FAM171A1: variants seen among roughly 807,000 people sequenced by gnomAD.
FAM171A1 encodes protein FAM171A1.
In FAM171A1, 23 loss-of-function variants were observed where a neutral mutation model predicts 74.9. The ratio of observed to expected loss-of-function variants is 0.31; its 90% CI spans 0.22 to 0.44. FAM171A1 has a LOEUF of 0.44. Among genes scored for constraint, FAM171A1 ranks in the 20% least tolerant of loss-of-function variants. The probability of loss-of-function intolerance (pLI) is 1.00; values close to 1 mark genes in which losing one functional copy is unlikely to be tolerated. For synonymous variants in FAM171A1, 527 were observed against 505.7 expected, an observed-to-expected ratio of 1.04 and a Z score of -0.57; for missense variants, 1,162 against 1,159.2, an observed-to-expected ratio of 1.00 and a Z score of -0.03.
intron 1 of FAM171A1, among the ~76,000 whole-genome samples, chr10:15,303,253 GT>G (rs1437385434): frequency 6.6e-6 from 1 of 151,964 alleles, no homozygotes; most frequent in Non-Finnish European, 1.5e-5. Context: ...ATAATTTATA[GT>G]TTTTATAATT....
chr10:15,369,840 G>A (rs1836113093), intron 1 of FAM171A1, among the ~76,000 whole-genome samples: 1 of 152,216 alleles, frequency 6.6e-6, no homozygotes, highest in African/African-American at 2.4e-5. Context: ...AACTTTGCAG[G>A]ACACACACCC....
intron 1 of FAM171A1, among the ~76,000 whole-genome samples, chr10:15,323,797 C>T (rs1588553889): frequency 2.6e-5 from 4 of 151,746 alleles, no homozygotes; most frequent in South Asian, 2.1e-4. Context: ...GGAAGGAACA[C>T]GGTATTAGGA....
chr10:15,235,433 T>C (rs10906868), intron 5 of FAM171A1, among the ~76,000 whole-genome samples: 21,233 of 148,472 alleles, frequency 0.14, 1,567 homozygotes, highest in Middle Eastern at 0.18. Context: ...GCAACATACA[T>C]ACACATGACA....
intron 1 of FAM171A1, among the ~76,000 whole-genome samples, chr10:15,312,847 C>A (rs1485027963): frequency 6.6e-6 from 1 of 151,358 alleles, no homozygotes; most frequent in African/African-American, 2.4e-5. Context: ...ACAGGCCCAC[C>A]ACCACGCCCG....
intron 3 of FAM171A1, among the ~76,000 whole-genome samples, chr10:15,267,133 C>A (rs996577171): frequency 6.6e-6 from 1 of 152,140 alleles, no homozygotes; most frequent in Non-Finnish European, 1.5e-5. Context: ...GTGTACCCCA[C>A]AGGGGGGCTA....
intron 1 of FAM171A1, among the ~76,000 whole-genome samples, chr10:15,324,488 G>A (rs1486309971): frequency 6.6e-6 from 1 of 152,112 alleles, no homozygotes; most frequent in Non-Finnish European, 1.5e-5. Context: ...ATCTTCTCCA[G>A]GCAATCAGCT....
intron 3 of FAM171A1, among the ~76,000 whole-genome samples, chr10:15,257,737 C>T (rs1209578439): frequency 1.3e-5 from 2 of 152,134 alleles, no homozygotes; most frequent in Non-Finnish European, 2.9e-5. Flanking sequence ...AAAGCACAGG[C>T]AACACCTATG....
intron 1 of FAM171A1, among the ~76,000 whole-genome samples, chr10:15,310,218 G>A (rs201103334): frequency 6.6e-6 from 1 of 152,256 alleles, no homozygotes; most frequent in Non-Finnish European, 1.5e-5. Flanking sequence ...TAAGAGGAAC[G>A]AAAAATTTTT....
chr10:15,269,470 C>T lies in FAM171A1; in HGVS notation c.418+6385G>A, dbSNP rs531252510. 2.0e-5 allele frequency among the ~76,000 whole-genome samples: 3 copies of T among 152,240 alleles called. No homozygotes were observed. The East Asian group carries it at 5.8e-4, about 29-fold the overall frequency. ...GCTCTTAGCACAGAAATGCATTTTA[C>T]ACAAGCATTGTCAATTCTAACCCCA... On this transcript the variant is annotated intron_variant, in intron 3 of 7. Coordinates refer to ENST00000378116, the MANE Select transcript of FAM171A1 (RefSeq NM_001010924.2).
intron 1 of FAM171A1, among the ~76,000 whole-genome samples, chr10:15,331,859 G>GTGTATACATATATATATA (rs60559617): frequency 3.6e-4 from 16 of 44,906 alleles, no homozygotes; most frequent in Admixed American, 8.4e-4. Context: ...ATATATGTGT[G>GTGTATACATATATATATA]TATATATATG....
At chr10:15,344,521 G>C (rs1835798391) in intron 1 of FAM171A1, among the ~76,000 whole-genome samples, 1 of 152,162 alleles carries the variant, frequency 6.6e-6, no homozygotes, top group South Asian at 2.1e-4. Context: ...CTCCAGCCTA[G>C]GTGACAGAGC....
chr10:15,260,090 GT>G (rs1419827936), intron 3 of FAM171A1, among the ~76,000 whole-genome samples: 2 of 152,048 alleles, frequency 1.3e-5, no homozygotes, highest in African/African-American at 2.4e-5. Context: ...ACCTTCCAAA[GT>G]GCTGGGGTTA....
intron 1 of FAM171A1, among the ~76,000 whole-genome samples, chr10:15,314,481 A>G (rs1430637655): frequency 6.6e-6 from 1 of 152,180 alleles, no homozygotes; most frequent in Non-Finnish European, 1.5e-5. Flanking sequence ...TATAAGGAAC[A>G]TGGGTTACCG....
chr10:15,350,906 G>A (rs1378231172), intron 1 of FAM171A1, among the ~76,000 whole-genome samples: 2 of 152,078 alleles, frequency 1.3e-5, no homozygotes, highest in African/African-American at 4.8e-5. Context: ...GCCTCCTAAA[G>A]TGCTGAGATT....
chr10:15,284,009 G>A lies in FAM171A1; in HGVS notation c.194C>T (p.Ser65Phe). Reference sequence around the variant, plus strand: ...GACGCCATCAGTCCCCGAGGTGCCAGAGGCTATGGAGGCCTGGTTGGTGAA... The same window carrying A: ...GACGCCATCAGTCCCCGAGGTGCCAAAGGCTATGGAGGCCTGGTTGGTGAA... ...EIFTNQASIASGTSGTDGVAF... is the reference protein window; with the variant it reads ...EIFTNQASIAFGTSGTDGVAF... Residue 65 changes from serine to phenylalanine, a missense_variant, in exon 2 of 8, where the codon TCT becomes TTT. Transcript: ENST00000378116. 1 of 1,614,220 alleles carries A rather than the reference G, an allele frequency of 6.2e-7. No individual in the cohort carries two copies. The highest frequency in any genetic ancestry group is 2.2e-5 in the East Asian group (1 of 44,884).
At chr10:15,252,871 G>A (rs1017105234) in intron 4 of FAM171A1, among the ~76,000 whole-genome samples, 4 of 152,204 alleles carry the variant, frequency 2.6e-5, no homozygotes, top group Non-Finnish European at 2.9e-5. Context: ...TTATTCAAGA[G>A]CTACTGGAAG....
chr10:15,280,425 C>T (rs1044811206), intron 2 of FAM171A1, among the ~76,000 whole-genome samples: 10 of 152,106 alleles, frequency 6.6e-5, no homozygotes, highest in African/African-American at 2.2e-4. Flanking sequence ...AGGACCTGGG[C>T]CAGGGTGATC....
At chr10:15,341,329 AT>A (rs1835761839) in intron 1 of FAM171A1, among the ~76,000 whole-genome samples, 1 of 152,186 alleles carries the variant, frequency 6.6e-6, no homozygotes, top group African/African-American at 2.4e-5. Context: ...AACAAATCTT[AT>A]TTTCAATGGA....
intron 3 of FAM171A1, among the ~76,000 whole-genome samples, chr10:15,261,054 T>C (rs754129620): frequency 2.6e-5 from 4 of 152,166 alleles, no homozygotes; most frequent in Non-Finnish European, 5.9e-5. Context: ...CATTTCTCTC[T>C]TTGTCTCTTT....
Sources: allele counts gnomAD v4.1 joint callset (sites outside exome capture counted in the v4.1 genomes callset), GRCh38; gene constraint gnomAD v4.1.1; transcripts MANE v1.5; gene names NCBI Gene and HGNC (gene_info 2026-07-23, HGNC 2026-07-21).